Variants in MACC1 observed in about 807,000 individuals in gnomAD.
MACC1 encodes MET transcriptional regulator MACC1.
MACC1 carries 79 observed loss-of-function variants against 70.7 expected under a neutral mutation model. That is an observed-to-expected ratio of 1.12 (90% CI 0.93 to 1.35). The LOEUF is 1.35. Among genes scored for constraint, MACC1 ranks in the 40% most tolerant of loss-of-function variants. MACC1 has a pLI of 0.00. For missense variants in MACC1, 1,106 were observed against 978.1 expected (o/e 1.13, Z -1.74); for synonymous variants, 361 against 347.2 (o/e 1.04, Z -0.44).
At position 20,134,992 on chromosome 7, in the gene MACC1, T is replaced by C. The variant is rs1351455561; in HGVS notation, c.*5954A>G. The C allele has an allele frequency of 6.6e-6, 1 of 152,234 alleles. No homozygotes were observed. Among genetic ancestry groups the C allele is most frequent in the Admixed American group, 6.5e-5 (1 of 15,288 alleles). The allele number at this position is 152,234 out of a possible 1,614,324, so 9.4% of individuals were successfully genotyped here. A position where few individuals can be genotyped will look rare whatever the true frequency, so the allele number is the denominator to read the frequency against. ...TTAGAAAGAACATCCGATCACCTTA[T>C]TAACACTTTCTAATTCTACAGTGAA... is the stretch of plus-strand genomic sequence containing the variant. On this transcript the variant is annotated 3_prime_UTR_variant, in exon 7 of 7. Transcript: ENST00000400331.
intron 1 of MACC1, among the ~76,000 whole-genome samples, chr7:20,176,647 T>C (rs1782397677): frequency 6.6e-6 from 1 of 152,166 alleles, no homozygotes; most frequent in Non-Finnish European, 1.5e-5. Context: ...CAGCTTAGTA[T>C]TTAATAGCCC....
intron 1 of MACC1, among the ~76,000 whole-genome samples, chr7:20,209,757 C>T (rs548484488): frequency 6.8e-4 from 103 of 152,202 alleles, no homozygotes; most frequent in African/African-American, 2.4e-3. Flanking sequence ...TGAAATGATA[C>T]GGTTGTGGCT....
chr7:20,150,068 A>C (rs561208679), intron 6 of MACC1, among the ~76,000 whole-genome samples: 5 of 152,342 alleles, frequency 3.3e-5, no homozygotes, highest in South Asian at 2.1e-4. Flanking sequence ...GAAAATGCTC[A>C]TAATGACTAG....
At chr7:20,186,882 G>T (rs961661099) in intron 1 of MACC1, among the ~76,000 whole-genome samples, 1 of 152,168 alleles carries the variant, frequency 6.6e-6, no homozygotes, top group Non-Finnish European at 1.5e-5. Flanking sequence ...GTATTTAACA[G>T]CATAACGTAT....
At chr7:20,211,485 G>A (rs1782995693) in intron 1 of MACC1, among the ~76,000 whole-genome samples, 1 of 152,098 alleles carries the variant, frequency 6.6e-6, no homozygotes, top group African/African-American at 2.4e-5. Flanking sequence ...GAAACGGAGA[G>A]GTTGATTTCA....
intron 1 of MACC1, among the ~76,000 whole-genome samples, chr7:20,206,096 A>G (rs1451911872): frequency 6.6e-6 from 1 of 151,286 alleles, no homozygotes; most frequent in East Asian, 2.0e-4. Context: ...TGCTTGGTAA[A>G]TCCACTACCC....
At chr7:20,192,021 A>T (rs1306293289) in intron 1 of MACC1, among the ~76,000 whole-genome samples, 1 of 152,228 alleles carries the variant, frequency 6.6e-6, no homozygotes, top group Non-Finnish European at 1.5e-5. Context: ...AAGGATGAGG[A>T]TATAAAACTA....
At chr7:20,193,967 A>G (rs1782711036) in intron 1 of MACC1, among the ~76,000 whole-genome samples, 1 of 152,116 alleles carries the variant, frequency 6.6e-6, no homozygotes, top group Admixed American at 6.5e-5. Context: ...GATATGCTAG[A>G]AAGGTAGAGC....
In MACC1 at chr7:20,195,726, G is replaced by C. The variant is rs1782741559; in HGVS notation, c.-218+21573C>G. On this transcript the variant is annotated intron_variant, in intron 1 of 6. Coordinates refer to ENST00000400331, the MANE Select transcript of MACC1 (RefSeq NM_182762.4). ...GGCTTGTGGAACAGGGGATCAGTTA[G>C]CTTCTGTGAGCTGGATGTGTTGTCA... Among the ~76,000 whole-genome samples, 3 of 152,156 alleles carry C rather than the reference G, an allele frequency of 2.0e-5. No homozygotes were observed. The South Asian group carries it at 6.2e-4, about 32-fold the overall frequency.
At chr7:20,171,985 G>A (rs1782315144) in intron 1 of MACC1, among the ~76,000 whole-genome samples, 1 of 152,144 alleles carries the variant, frequency 6.6e-6, no homozygotes, top group African/African-American at 2.4e-5. Context: ...ACTGAGGATT[G>A]GGACAAGTGA....
rs1320525606 is a variant in MACC1, at chr7:20,164,399, T to C, written c.-152A>G. On this transcript the variant is annotated splice_region_variant and 5_prime_UTR_variant, in exon 3 of 7. Transcript: ENST00000400331. ...TAAAGAAAGCAGAAGCCTTTTCTGA[T>C]CTATAAAAATGAAAGAAAAAATTAA... 1 of 151,950 alleles carries C rather than the reference T, an allele frequency of 6.6e-6. No homozygotes were observed. Among genetic ancestry groups the C allele is most frequent in the African/African-American group, 2.4e-5 (1 of 41,316 alleles). The allele number at this position is 151,950 out of a possible 1,614,324, so 9.4% of individuals were successfully genotyped here.
intron 1 of MACC1, among the ~76,000 whole-genome samples, chr7:20,209,124 A>G (rs1782957190): frequency 6.6e-6 from 1 of 152,248 alleles, no homozygotes; most frequent in South Asian, 2.1e-4. Context: ...CTCATAGAGA[A>G]CCTCTACTAG....
chr7:20,154,382 C>T lies in MACC1; in HGVS notation c.2158-1G>A. ...CTTGGCAATCCATTTTCAGAAGAGC[C>T]TGCAGCAACAATTACATGTCACAAT... On this transcript the variant is annotated splice_acceptor_variant, in intron 5 of 6. Coordinates refer to ENST00000400331, the MANE Select transcript of MACC1 (RefSeq NM_182762.4). LOFTEE classifies it high-confidence loss of function. The T allele has an allele frequency of 6.2e-7, 1 of 1,611,602 alleles. No individual in the cohort carries two copies. The highest frequency in any genetic ancestry group is 8.5e-7 in the Non-Finnish European group (1 of 1,178,508).
At position 20,135,840 on chromosome 7, in the gene MACC1, G is replaced by A. The variant is rs1326618928; in HGVS notation, c.*5106C>T. On this transcript the variant is annotated 3_prime_UTR_variant, in exon 7 of 7. Transcript: ENST00000400331. ...TTTAAACAGCTGGAAGTCACCAATT[G>A]TTCAAAAACAGTGTGTATTACATAA... 6.6e-6 allele frequency: 1 copy of A among 152,130 alleles called. No homozygotes were observed. Among genetic ancestry groups the A allele is most frequent in the Non-Finnish European group, 1.5e-5 (1 of 68,030 alleles). The allele number at this position is 152,130 out of a possible 1,614,324, so 9.4% of individuals were successfully genotyped here.
chr7:20,187,897 C>A (rs923548913), intron 1 of MACC1, among the ~76,000 whole-genome samples: 1 of 152,142 alleles, frequency 6.6e-6, no homozygotes, highest in African/African-American at 2.4e-5. Flanking sequence ...TTAGTCCATT[C>A]TCACCCTACT....
chr7:20,181,848 C>T (rs1387924767), intron 1 of MACC1, among the ~76,000 whole-genome samples: 1 of 151,936 alleles, frequency 6.6e-6, no homozygotes, highest in Non-Finnish European at 1.5e-5. Context: ...ATATTATTTA[C>T]AGACTGTATG....
chr7:20,182,681 G>A (rs1782528556), intron 1 of MACC1, among the ~76,000 whole-genome samples: 1 of 152,090 alleles, frequency 6.6e-6, no homozygotes, highest in Non-Finnish European at 1.5e-5. Flanking sequence ...CCATGCTTCT[G>A]TTTGTAAGTT....
In MACC1 at chr7:20,154,310, A is replaced by C; in HGVS notation, c.2229T>G (p.Ala743=). ...LIQEAAVLTS[A]VKLGKGWREL... ...CCCTCCAGCCTTTTCCAAGCTTGACAGCTGAAGTCAGAACAGCAGCTTCTT... is the reference window on the plus strand; with the variant it reads ...CCCTCCAGCCTTTTCCAAGCTTGACCGCTGAAGTCAGAACAGCAGCTTCTT... Residue 743 remains alanine, a synonymous_variant, in exon 6 of 7, where the codon GCT becomes GCG. Transcript: ENST00000400331. The C allele has an allele frequency of 6.2e-7, 1 of 1,613,990 alleles. No individual in the cohort carries two copies. The highest frequency in any genetic ancestry group is 8.5e-7 in the Non-Finnish European group (1 of 1,179,944).
At chr7:20,187,033 T>C (rs947296840) in intron 1 of MACC1, among the ~76,000 whole-genome samples, 1 of 152,176 alleles carries the variant, frequency 6.6e-6, no homozygotes, top group Non-Finnish European at 1.5e-5. Context: ...TAACTTACAA[T>C]GGTTCAACTC....
Sources: allele counts gnomAD v4.1 joint callset (sites outside exome capture counted in the v4.1 genomes callset), GRCh38; gene constraint gnomAD v4.1.1; transcripts MANE v1.5; gene names NCBI Gene and HGNC (gene_info 2026-07-23, HGNC 2026-07-21).